The following HOMER1 variants were observed in gnomAD, a reference collection of about 807,000 sequenced individuals.
The protein encoded by HOMER1 is homer scaffold protein 1, also known as homer protein homolog 1.
In HOMER1, 3 loss-of-function variants were observed where a neutral mutation model predicts 48.9. The observed-to-expected ratio is 0.06, with a 90% CI of 0.03 to 0.16. The LOEUF (loss-of-function observed/expected upper bound fraction) is 0.16. Among genes scored for constraint, HOMER1 ranks in the 10% least tolerant of loss-of-function variants. The pLI is 1.00. For synonymous variants in HOMER1, 134 were observed against 146.4 expected (o/e 0.92, Z 0.61); for missense variants, 247 against 411.4 (o/e 0.60, Z 3.46).
At chr5:79,468,050 A>G (rs989273916) in intron 1 of HOMER1, among the ~76,000 whole-genome samples, 1 of 152,184 alleles carries the variant, frequency 6.6e-6, no homozygotes, top group African/African-American at 2.4e-5. Flanking sequence ...TGCTGCGATT[A>G]AAGGTATGAG....
At chr5:79,383,056 G>A (rs923747172) in intron 8 of HOMER1, among the ~76,000 whole-genome samples, 3 of 152,078 alleles carry the variant, frequency 2.0e-5, no homozygotes, top group Non-Finnish European at 4.4e-5. Context: ...CACGAAAATG[G>A]AAACCAAAAG....
At chr5:79,442,559 T>C (rs1172734385) in intron 4 of HOMER1, among the ~76,000 whole-genome samples, 1 of 152,202 alleles carries the variant, frequency 6.6e-6, no homozygotes, top group Admixed American at 6.5e-5. Context: ...CTATACCAAA[T>C]ACCACTACCA....
intron 8 of HOMER1, among the ~76,000 whole-genome samples, chr5:79,395,749 A>G (rs1325964255): frequency 1.3e-5 from 2 of 152,222 alleles, no homozygotes; most frequent in African/African-American, 4.8e-5. Context: ...TTAAAATTTG[A>G]CTGTCTCCAT....
intron 1 of HOMER1, among the ~76,000 whole-genome samples, chr5:79,502,347 AT>A (rs960578405): frequency 1.3e-5 from 2 of 151,854 alleles, no homozygotes; most frequent in African/African-American, 2.4e-5. Flanking sequence ...TGTAATAAAT[AT>A]TTTTTTTAAA....
In HOMER1 at chr5:79,506,544, C is replaced by T. The variant is rs139513653; in HGVS notation, c.5+6226G>A. Among the ~76,000 whole-genome samples, 666 of 152,206 alleles carry T rather than the reference C, an allele frequency of 4.4e-3. 5 individuals carry two copies. The highest frequency in any genetic ancestry group is 0.015 in the African/African-American group (614 of 41,530). On this transcript the variant is annotated intron_variant, in intron 1 of 8. Coordinates refer to ENST00000334082, the MANE Select transcript of HOMER1 (RefSeq NM_004272.5). ...CCTAATTTTATAGACTATGGAGAGGCGTGCTGTAAAAATTAAGATTAAAAT... is the reference window on the plus strand; with the variant it reads ...CCTAATTTTATAGACTATGGAGAGGTGTGCTGTAAAAATTAAGATTAAAAT...
chr5:79,406,326 TAATC>T (rs1749661211), intron 5 of HOMER1, among the ~76,000 whole-genome samples: 1 of 152,228 alleles, frequency 6.6e-6, no homozygotes, highest in South Asian at 2.1e-4. Flanking sequence ...TAGGTAAGTG[TAATC>T]ATTTTATTTT....
chr5:79,456,765 T>C (rs776186543), intron 2 of HOMER1, 97 bp downstream of exon 2: 2 of 1,071,236 alleles, frequency 1.9e-6, no homozygotes, highest in Non-Finnish European at 2.7e-6. Flanking sequence ...AAAGGAAACA[T>C]TTTATATTAA....
intron 1 of HOMER1, among the ~76,000 whole-genome samples, chr5:79,477,834 T>TTTAGCCAG (rs2112336209): frequency 6.6e-6 from 1 of 151,854 alleles, no homozygotes; most frequent in East Asian, 1.9e-4. Context: ...CCAGGAGTTG[T>TTTAGCCAG]AAGTATGCTT....
intron 6 of HOMER1, among the ~76,000 whole-genome samples, chr5:79,400,999 T>A (rs1202432748): frequency 6.7e-6 from 1 of 148,602 alleles, no homozygotes; most frequent in Non-Finnish European, 1.5e-5. Context: ...AATCTCAAAC[T>A]CTTGGCCTGA....
intron 1 of HOMER1, among the ~76,000 whole-genome samples, chr5:79,509,953 A>G (rs1014493888): frequency 1.3e-4 from 20 of 152,242 alleles, no homozygotes; most frequent in Admixed American, 1.2e-3. Flanking sequence ...ACAGTAAGGT[A>G]ATTATGGATT....
At chr5:79,454,840 TG>T (rs1282024167) in intron 2 of HOMER1, among the ~76,000 whole-genome samples, 2 of 152,156 alleles carry the variant, frequency 1.3e-5, no homozygotes, top group Non-Finnish European at 2.9e-5. Context: ...TAGCAGTGAG[TG>T]TTTGTATAGT....
intron 5 of HOMER1, among the ~76,000 whole-genome samples, chr5:79,437,118 A>G (rs1750603520): frequency 6.6e-6 from 1 of 152,168 alleles, no homozygotes. Context: ...CCAGGTAGTA[A>G]CTCCAAATAC....
At chr5:79,473,923 T>TA (rs1293705459) in intron 1 of HOMER1, among the ~76,000 whole-genome samples, 1 of 152,220 alleles carries the variant, frequency 6.6e-6, no homozygotes, top group Non-Finnish European at 1.5e-5. Context: ...GACACTATCC[T>TA]ACCACCAGTA....
At chr5:79,421,441 G>T (rs77408161) in intron 5 of HOMER1, among the ~76,000 whole-genome samples, 3,679 of 152,192 alleles carry the variant, frequency 0.024, 148 homozygotes, top group African/African-American at 0.084. Context: ...ATAGACAAAA[G>T]AGCAAAGAAA....
intron 1 of HOMER1, among the ~76,000 whole-genome samples, chr5:79,497,201 T>C (rs1752450051): frequency 6.6e-6 from 1 of 151,696 alleles, no homozygotes; most frequent in African/African-American, 2.4e-5. Flanking sequence ...ACTTCAGAAG[T>C]CAAAGCAGTA....
At chr5:79,439,689 T>C (rs1750690998) in intron 4 of HOMER1, among the ~76,000 whole-genome samples, 1 of 152,086 alleles carries the variant, frequency 6.6e-6, no homozygotes, top group African/African-American at 2.4e-5. Flanking sequence ...CAAGAAGAAA[T>C]GCCTCTATAA....
intron 6 of HOMER1, among the ~76,000 whole-genome samples, chr5:79,398,184 G>A (rs10038376): frequency 0.21 from 32,057 of 151,614 alleles, 3,489 homozygotes; most frequent in South Asian, 0.32. Context: ...ATTTACTGGG[G>A]GCCCAAAGAG....
chr5:79,411,322 C>G (rs1749809477), intron 5 of HOMER1, among the ~76,000 whole-genome samples: 1 of 151,498 alleles, frequency 6.6e-6, no homozygotes, highest in African/African-American at 2.4e-5. Context: ...CAACTTCTAC[C>G]AAAAATAGAA....
chr5:79,383,104 A>G (rs767645946), intron 8 of HOMER1, among the ~76,000 whole-genome samples: 1 of 152,212 alleles, frequency 6.6e-6, no homozygotes, highest in Non-Finnish European at 1.5e-5. Context: ...GATAAAATAT[A>G]CCTTAATCCA....
Sources: allele counts gnomAD v4.1 joint callset (sites outside exome capture counted in the v4.1 genomes callset), GRCh38; gene constraint gnomAD v4.1.1; transcripts MANE v1.5; gene names NCBI Gene and HGNC (gene_info 2026-07-23, HGNC 2026-07-21).